ABCB1: variants seen among roughly 807,000 people sequenced by gnomAD.
The protein encoded by ABCB1 is ATP-dependent translocase ABCB1.
In ABCB1, 69 loss-of-function variants were observed where a neutral mutation model predicts 142.0. That is an observed-to-expected ratio of 0.49 (90% CI 0.40 to 0.59). The LOEUF is 0.59. ABCB1 is among the 20% of genes least tolerant of loss of function. The pLI is 0.00. For synonymous variants in ABCB1, 532 were observed against 539.2 expected (o/e 0.99, Z 0.18); for missense variants, 1,326 against 1,554.7 (o/e 0.85, Z 2.47).
Position 87,553,989 on chromosome 7 carries a change from G to A in ABCB1, c.828-57C>T, listed in dbSNP as rs1584875572. On this transcript the variant is annotated intron_variant, in intron 8 of 27. Transcript: ENST00000622132. ...CATTTTATGAAAACATGTCGATATA[G>A]CATGATAGTTACAGAGTGGCTAGGA... The A allele has an allele frequency of 2.7e-6, 4 of 1,501,580 alleles. No individual in the cohort carries two copies. The highest frequency in any genetic ancestry group is 3.4e-5 in the Admixed American group (2 of 59,640). The allele number at this position is 1,501,580 out of a possible 1,614,324, so 93.0% of individuals were successfully genotyped here. A position where few individuals can be genotyped will look rare whatever the true frequency, so the allele number is the denominator to read the frequency against.
intron 1 of ABCB1, among the ~76,000 whole-genome samples, chr7:87,637,431 C>T (rs1395703927): frequency 6.6e-6 from 1 of 152,100 alleles, no homozygotes; most frequent in Non-Finnish European, 1.5e-5. Context: ...TTAGAATCAA[C>T]TTGTCAATTT....
chr7:87,602,701 A>G (rs1332422732), upstream of ABCB1, among the ~76,000 whole-genome samples: 1 of 152,206 alleles, frequency 6.6e-6, no homozygotes, highest in Non-Finnish European at 1.5e-5. Flanking sequence ...CAAAGATATA[A>G]GTAAGTTAAA....
chr7:87,555,353 A>G (rs1307022961), intron 8 of ABCB1, among the ~76,000 whole-genome samples: 1 of 152,214 alleles, frequency 6.6e-6, no homozygotes, highest in Non-Finnish European at 1.5e-5. Context: ...TATAAAAGTC[A>G]TACTTTAAGG....
At chr7:87,681,975 T>C (rs991194205) in intron 1 of ABCB1, among the ~76,000 whole-genome samples, 1 of 152,216 alleles carries the variant, frequency 6.6e-6, no homozygotes, top group African/African-American at 2.4e-5. Context: ...TTGGAGTCAA[T>C]ACTCTCAAAC....
chr7:87,545,292 A>T (rs1369758417), intron 15 of ABCB1, among the ~76,000 whole-genome samples: 9 of 152,194 alleles, frequency 5.9e-5, no homozygotes, highest in African/African-American at 2.2e-4. Flanking sequence ...GTTTTGACTC[A>T]ATCAAGTTTA....
At chr7:87,530,100 CA>C (rs1402077981) in intron 21 of ABCB1, among the ~76,000 whole-genome samples, 1 of 152,180 alleles carries the variant, frequency 6.6e-6, no homozygotes, top group Non-Finnish European at 1.5e-5. Context: ...TGGCAATGAC[CA>C]ACATCTGGGG....
At chr7:87,628,893 C>A in intron 1 of ABCB1, 1 of 1,303,708 alleles carries the variant, frequency 7.7e-7, no homozygotes. Context: ...CAAGAAAAGC[C>A]TGAGCGCCCG....
At chr7:87,579,393 C>G (rs987395276) in intron 4 of ABCB1, among the ~76,000 whole-genome samples, 1 of 152,018 alleles carries the variant, frequency 6.6e-6, no homozygotes, top group African/African-American at 2.4e-5. Flanking sequence ...TATGAATGTT[C>G]CTTCTATACC....
intron 1 of ABCB1, among the ~76,000 whole-genome samples, chr7:87,662,639 T>G (rs1425583091): frequency 6.6e-6 from 1 of 152,158 alleles, no homozygotes; most frequent in Admixed American, 6.6e-5. Flanking sequence ...AGTACCATGG[T>G]GTTTTGATTA....
chr7:87,552,002 G>T (rs947605978), intron 9 of ABCB1, among the ~76,000 whole-genome samples: 6 of 152,096 alleles, frequency 3.9e-5, no homozygotes, highest in Non-Finnish European at 8.8e-5. Context: ...GGCAAAAACA[G>T]GCAAGATTCT....
chr7:87,530,717 C>T (rs1035616209), intron 21 of ABCB1, among the ~76,000 whole-genome samples: 3 of 151,656 alleles, frequency 2.0e-5, no homozygotes, highest in Non-Finnish European at 2.9e-5. Flanking sequence ...TATTTAATCT[C>T]CCCCCTCACA....
At chr7:87,562,348 A>C (rs1336207788) in intron 7 of ABCB1, among the ~76,000 whole-genome samples, 1 of 152,210 alleles carries the variant, frequency 6.6e-6, no homozygotes, top group East Asian at 1.9e-4. Flanking sequence ...TCTCAAAGCA[A>C]TCTTCCTGGG....
intron 1 of ABCB1, among the ~76,000 whole-genome samples, chr7:87,618,245 T>C (rs1308346023): frequency 1.3e-5 from 2 of 152,212 alleles, no homozygotes; most frequent in African/African-American, 4.8e-5. Context: ...AATATGTATA[T>C]GTTGATTTCT....
chr7:87,571,579 G>C (rs1818060047), intron 4 of ABCB1, among the ~76,000 whole-genome samples: 1 of 152,138 alleles, frequency 6.6e-6, no homozygotes, highest in Non-Finnish European at 1.5e-5. Context: ...TAAGTAGAGA[G>C]AGTAAAAATT....
At chr7:87,580,922 C>G (rs1459597498) in intron 4 of ABCB1, among the ~76,000 whole-genome samples, 2 of 151,878 alleles carry the variant, frequency 1.3e-5, no homozygotes, top group Non-Finnish European at 2.9e-5. Flanking sequence ...CTACCTTCTT[C>G]AGTGCCTCTT....
At chr7:87,711,597 T>C (rs768279789) in intron 1 of ABCB1, among the ~76,000 whole-genome samples, 2 of 152,126 alleles carry the variant, frequency 1.3e-5, no homozygotes, top group African/African-American at 2.4e-5. Context: ...TATTTGTAAA[T>C]GAAAAGATTT....
At chr7:87,638,652 A>G (rs1275588242) in intron 1 of ABCB1, among the ~76,000 whole-genome samples, 2 of 151,044 alleles carry the variant, frequency 1.3e-5, no homozygotes, top group Non-Finnish European at 3.0e-5. Context: ...TATCCTCTTA[A>G]TGTCTTTTTA....
At chr7:87,700,572 G>A (rs1828943031) in intron 1 of ABCB1, 2 of 1,592,762 alleles carry the variant, frequency 1.3e-6, no homozygotes, top group Non-Finnish European at 1.7e-6. Context: ...ATTGGTCAGA[G>A]ACTCGTTTCT....
At chr7:87,670,214 G>A (rs991880821) in intron 1 of ABCB1, among the ~76,000 whole-genome samples, 48 of 152,066 alleles carry the variant, frequency 3.2e-4, no homozygotes, top group Non-Finnish European at 4.0e-4. Flanking sequence ...TTATTTCAGA[G>A]AACCAGTCTT....
Sources: gnomAD v4.1 joint callset for allele counts (sites outside exome capture counted in the v4.1 genomes callset) on GRCh38, gnomAD v4.1.1 for gene constraint, MANE v1.5 for transcripts, NCBI Gene and HGNC (gene_info 2026-07-23, HGNC 2026-07-21) for gene names.